The following MTARC1 variants were observed in gnomAD, a reference collection of about 807,000 sequenced individuals.
The protein encoded by MTARC1 is mitochondrial amidoxime reducing component 1, also known as mitochondrial amidoxime-reducing component 1.
In MTARC1, 24 loss-of-function variants were observed where a neutral mutation model predicts 33.6. The observed-to-expected ratio is 0.72, with a 90% CI of 0.52 to 1.01. The LOEUF (loss-of-function observed/expected upper bound fraction) is 1.01. Ranked by LOEUF, MTARC1 falls within the 50% of genes least tolerant of loss-of-function variation. The probability of loss-of-function intolerance (pLI) is 0.00; values close to 1 mark genes in which losing one functional copy is unlikely to be tolerated. For synonymous variants in MTARC1, 187 were observed against 189.5 expected, an observed-to-expected ratio of 0.99 and a Z score of 0.11; for missense variants, 417 against 445.7, an observed-to-expected ratio of 0.94 and a Z score of 0.58.
chr1:220,791,474 T>C lies in MTARC1; in HGVS notation c.276-17T>C. On this transcript the variant is annotated splice_polypyrimidine_tract_variant and intron_variant, in intron 1 of 6. Coordinates refer to ENST00000366910, the MANE Select transcript of MTARC1 (RefSeq NM_022746.4). The stretch of plus-strand genomic sequence containing the variant: ...GCCATAATGGTTCACACATATCCTG[T>C]GTTTTGAAAACGGCAGGTTTTGGCT... 6.2e-7 allele frequency: 1 copy of C among 1,612,928 alleles called. No homozygotes were observed. The highest frequency in any genetic ancestry group is 8.5e-7 in the Non-Finnish European group (1 of 1,179,346).
At chr1:220,803,471 T>C (rs1672876052) in intron 4 of MTARC1, among the ~76,000 whole-genome samples, 1 of 152,184 alleles carries the variant, frequency 6.6e-6, no homozygotes, top group African/African-American at 2.4e-5. Context: ...CTCCCTTCCC[T>C]ACTTAAAACT....
chr1:220,796,949 A>G lies in MTARC1; in HGVS notation c.612+144A>G, dbSNP rs1000465612. 1.7e-5 allele frequency: 15 copies of G among 871,632 alleles called. No individual in the cohort carries two copies. The Admixed American group carries it at 2.6e-4, about 15-fold the overall frequency. 54.0% of individuals were successfully genotyped at this position (871,632 alleles called of 1,614,324 possible). The stretch of plus-strand genomic sequence containing the variant: ...GATCACAAGCAGTAGGCAGAAATAA[A>G]GCCCTTCCCTTGGAAGCATTGTTTG... On this transcript the variant is annotated intron_variant, in intron 3 of 6. Coordinates refer to ENST00000366910, the MANE Select transcript of MTARC1 (RefSeq NM_022746.4).
intron 6 of MTARC1, 93 bp from the exon 7 acceptor site, chr1:220,813,197 TGC>T (rs1485941969): frequency 1.3e-6 from 2 of 1,541,830 alleles, no homozygotes; most frequent in Non-Finnish European, 1.8e-6. Flanking sequence ...TCTCGAGCTG[TGC>T]GTGCGGAGGC....
chr1:220,797,412 A>T (rs1254708846), intron 3 of MTARC1, among the ~76,000 whole-genome samples: 7 of 152,228 alleles, frequency 4.6e-5, no homozygotes, highest in Admixed American at 4.6e-4. Context: ...GGTGACAAGG[A>T]GTCTCTGTCT....
In MTARC1 at chr1:220,819,047, T is replaced by C. The variant is rs1411717584; in HGVS notation, c.*5629T>C. On this transcript the variant is annotated 3_prime_UTR_variant, in exon 7 of 7. Coordinates refer to ENST00000366910, the MANE Select transcript of MTARC1 (RefSeq NM_022746.4). Reference sequence around the variant, plus strand: ...TTCCTGTCGTCTGGATGCCATAACATTGGAGGAATGATGATCGTTTCTTGG... The same window carrying C: ...TTCCTGTCGTCTGGATGCCATAACACTGGAGGAATGATGATCGTTTCTTGG... 1 of 152,166 alleles carries C rather than the reference T, an allele frequency of 6.6e-6. No homozygotes were observed. Among genetic ancestry groups the C allele is most frequent in the Non-Finnish European group, 1.5e-5 (1 of 68,028 alleles). 9.4% of individuals were successfully genotyped at this position (152,166 alleles called of 1,614,324 possible).
intron 4 of MTARC1, chr1:220,798,748 T>C (rs1201386498): frequency 1.2e-6 from 1 of 808,902 alleles, no homozygotes; most frequent in Non-Finnish European, 1.5e-6. Flanking sequence ...GGAGCTCTGG[T>C]TGTGCCTCAA....
At chr1:220,802,377 G>T (rs532566062) in intron 4 of MTARC1, among the ~76,000 whole-genome samples, 39 of 152,262 alleles carry the variant, frequency 2.6e-4, no homozygotes, top group African/African-American at 9.2e-4. Context: ...TGTCACCTAG[G>T]CCAGAGTGCG....
chr1:220,810,957 G>A (rs571026337), intron 6 of MTARC1, among the ~76,000 whole-genome samples: 2 of 152,252 alleles, frequency 1.3e-5, no homozygotes, highest in South Asian at 4.1e-4. Context: ...TCCCACATAA[G>A]CAGGTTGTAA....
chr1:220,797,548 A>T (rs1272415872), intron 3 of MTARC1, among the ~76,000 whole-genome samples: 3 of 152,258 alleles, frequency 2.0e-5, no homozygotes, highest in African/African-American at 7.2e-5. Flanking sequence ...TAATGAGGTC[A>T]TCAAACTCAA....
At chr1:220,808,046 G>T (rs1411059724) in intron 6 of MTARC1, among the ~76,000 whole-genome samples, 1 of 152,144 alleles carries the variant, frequency 6.6e-6, no homozygotes, top group African/African-American at 2.4e-5. Context: ...AAGTGGTTTG[G>T]GGAATTGGCT....
At chr1:220,794,294 C>T (rs1672533188) in intron 2 of MTARC1, 2 of 150,412 alleles carry the variant, frequency 1.3e-5, no homozygotes, top group South Asian at 2.1e-4. Context: ...CTCATAGGCA[C>T]CAGCAAAGAG....
At position 220,819,328 on chromosome 1, in the gene MTARC1, G is replaced by A. The variant is rs1673341616; in HGVS notation, c.*5910G>A. On this transcript the variant is annotated 3_prime_UTR_variant, in exon 7 of 7. Coordinates refer to ENST00000366910, the MANE Select transcript of MTARC1 (RefSeq NM_022746.4). ...AGTCATCATAAATATAAATGTATTG[G>A]TCAAACAGATCTCGTTAATGTGGCC... 1 of 152,116 alleles carries A rather than the reference G, an allele frequency of 6.6e-6. No homozygotes were observed. The highest frequency in any genetic ancestry group is 1.9e-4 in the East Asian group (1 of 5,194). 9.4% of individuals were successfully genotyped at this position (152,116 alleles called of 1,614,324 possible). A position where few individuals can be genotyped will look rare whatever the true frequency, so the allele number is the denominator to read the frequency against.
intron 3 of MTARC1, among the ~76,000 whole-genome samples, chr1:220,797,128 TAC>T (rs759770139): frequency 8.5e-5 from 13 of 152,210 alleles, no homozygotes; most frequent in Non-Finnish European, 1.9e-4. Context: ...CCAGAATTTT[TAC>T]AGTTTGCAGT....
chr1:220,788,007 C>CAAAAAAAA (rs998849065), intron 1 of MTARC1, among the ~76,000 whole-genome samples: 1 of 150,562 alleles, frequency 6.6e-6, no homozygotes, highest in African/African-American at 2.4e-5. Context: ...GACTCCGAAT[C>CAAAAAAAA]AAAAAAAGAA....
intron 6 of MTARC1, among the ~76,000 whole-genome samples, chr1:220,811,548 C>T (rs1673133886): frequency 6.6e-6 from 1 of 152,172 alleles, no homozygotes; most frequent in South Asian, 2.1e-4. Context: ...ATTTGAAGAA[C>T]AACATTAGAA....
chr1:220,808,290 C>T (rs762901935), intron 6 of MTARC1, among the ~76,000 whole-genome samples: 16 of 152,230 alleles, frequency 1.1e-4, no homozygotes, highest in South Asian at 2.1e-4. Context: ...GGTGGGAAGG[C>T]GGGGGGCGCA....
chr1:220,800,176 G>T (rs1672744291), intron 4 of MTARC1, among the ~76,000 whole-genome samples: 1 of 139,736 alleles, frequency 7.2e-6, no homozygotes, highest in Non-Finnish European at 1.6e-5. Context: ...TTTCAATTGA[G>T]TCTTACTCTA....
At chr1:220,807,381 G>C (rs1041281456) in intron 6 of MTARC1, among the ~76,000 whole-genome samples, 2 of 152,138 alleles carry the variant, frequency 1.3e-5, no homozygotes, top group South Asian at 4.1e-4. Flanking sequence ...TCAGGAGTTC[G>C]AGACCAGCCT....
intron 4 of MTARC1, among the ~76,000 whole-genome samples, chr1:220,800,223 C>T (rs928981626): frequency 2.6e-5 from 4 of 152,056 alleles, no homozygotes; most frequent in African/African-American, 9.7e-5. Context: ...TGAGTGTTCC[C>T]TAGTTGAGAA....
Sources: gnomAD v4.1 joint callset for allele counts (sites outside exome capture counted in the v4.1 genomes callset) on GRCh38, gnomAD v4.1.1 for gene constraint, MANE v1.5 for transcripts, NCBI Gene and HGNC (gene_info 2026-07-23, HGNC 2026-07-21) for gene names.